Variants in IQGAP2 observed in about 807,000 individuals in gnomAD.
IQGAP2 encodes ras GTPase-activating-like protein IQGAP2.
In IQGAP2, 173 loss-of-function variants were observed where a neutral mutation model predicts 201.3. The ratio of observed to expected loss-of-function variants is 0.86; its 90% CI spans 0.76 to 0.98. The LOEUF (loss-of-function observed/expected upper bound fraction) is 0.98, where lower values mean the gene tolerates loss of function less well. IQGAP2 is among the 50% of genes least tolerant of loss of function. The pLI is 0.00. For missense variants in IQGAP2, 1,687 were observed against 1,864.8 expected (o/e 0.90, Z 1.76); for synonymous variants, 675 against 673.9 (o/e 1.00, Z -0.03).
intron 1 of IQGAP2, among the ~76,000 whole-genome samples, chr5:76,411,196 T>C (rs538876968): frequency 6.6e-6 from 1 of 152,304 alleles, no homozygotes; most frequent in African/African-American, 2.4e-5. Context: ...AAGAGGCATT[T>C]CTGATATATA....
chr5:76,524,777 C>G (rs1164714245), intron 2 of IQGAP2, among the ~76,000 whole-genome samples: 1 of 152,152 alleles, frequency 6.6e-6, no homozygotes, highest in East Asian at 1.9e-4. Flanking sequence ...AAAGAAAGTT[C>G]ACATCAATAG....
At chr5:76,542,545 C>T (rs185790440) in intron 2 of IQGAP2, among the ~76,000 whole-genome samples, 5 of 152,308 alleles carry the variant, frequency 3.3e-5, no homozygotes, top group East Asian at 1.9e-4. Context: ...TATAAATAAT[C>T]GAGGTGATTA....
chr5:76,461,568 A>G lies in IQGAP2; in HGVS notation c.47-2A>G, dbSNP rs1163647075. ...TCACATGTTGTTATCCTCTATTTCT[A>G]GCTATTGTGGACGATGAAAGGCTCT... On this transcript the variant is annotated splice_acceptor_variant, in intron 1 of 35. Coordinates refer to ENST00000274364, the MANE Select transcript of IQGAP2 (RefSeq NM_006633.5). LOFTEE classifies it high-confidence loss of function. 1 of 1,606,810 alleles carries G rather than the reference A, an allele frequency of 6.2e-7. No individual in the cohort carries two copies. Among genetic ancestry groups the G allele is most frequent in the South Asian group, 1.1e-5 (1 of 90,886 alleles).
At chr5:76,614,235 C>T (rs6453235) in intron 13 of IQGAP2, among the ~76,000 whole-genome samples, 117,973 of 151,966 alleles carry the variant, frequency 0.78, 46,529 homozygotes, top group South Asian at 0.9. Flanking sequence ...GAAAGAAGCC[C>T]CTGAGTGCCC....
intron 30 of IQGAP2, among the ~76,000 whole-genome samples, chr5:76,692,335 A>G (rs1746336618): frequency 6.6e-6 from 1 of 152,204 alleles, no homozygotes; most frequent in African/African-American, 2.4e-5. Context: ...TATCCTTAGT[A>G]GGGATGGGGT....
At chr5:76,585,180 A>G (rs1167104798) in intron 5 of IQGAP2, among the ~76,000 whole-genome samples, 1 of 152,212 alleles carries the variant, frequency 6.6e-6, no homozygotes, top group Admixed American at 6.5e-5. Flanking sequence ...ATAGATACCA[A>G]TTAGTTTAGG....
chr5:76,516,446 G>A (rs1259766371), intron 2 of IQGAP2, among the ~76,000 whole-genome samples: 1 of 152,000 alleles, frequency 6.6e-6, no homozygotes, highest in Non-Finnish European at 1.5e-5. Context: ...GTCAACTTGT[G>A]ATGTTTGCCT....
At chr5:76,599,455 C>G (rs1747275826) in intron 10 of IQGAP2, among the ~76,000 whole-genome samples, 1 of 152,118 alleles carries the variant, frequency 6.6e-6, no homozygotes, top group African/African-American at 2.4e-5. Flanking sequence ...CTCTCCTTAT[C>G]CTTTTTGCTG....
intron 2 of IQGAP2, among the ~76,000 whole-genome samples, chr5:76,484,333 G>T (rs983578735): frequency 6.6e-6 from 1 of 152,186 alleles, no homozygotes; most frequent in Non-Finnish European, 1.5e-5. Flanking sequence ...TTGCAGATGT[G>T]GGGGCGCAGG....
chr5:76,651,729 A>G (rs1481066743), intron 17 of IQGAP2, among the ~76,000 whole-genome samples: 1 of 152,046 alleles, frequency 6.6e-6, no homozygotes, highest in African/African-American at 2.4e-5. Context: ...TTTCCAAATT[A>G]AAAGGTTTTT....
At chr5:76,616,693 TA>T (rs977626684) in intron 13 of IQGAP2, 1 of 151,626 alleles carries the variant, frequency 6.6e-6, no homozygotes, top group Non-Finnish European at 1.5e-5. Context: ...CTGCAAAAAA[TA>T]AAAAATAAAA....
At chr5:76,508,706 T>A (rs1248595474) in intron 2 of IQGAP2, among the ~76,000 whole-genome samples, 1 of 151,858 alleles carries the variant, frequency 6.6e-6, no homozygotes, top group African/African-American at 2.4e-5. Context: ...TTTTGTTTTT[T>A]TTTTTTTAAA....
At chr5:76,476,080 A>G (rs1445142207) in intron 2 of IQGAP2, among the ~76,000 whole-genome samples, 2 of 152,204 alleles carry the variant, frequency 1.3e-5, no homozygotes, top group African/African-American at 4.8e-5. Flanking sequence ...TAGAAAGGCT[A>G]TAGTCCAAGA....
chr5:76,431,907 A>G (rs1392071568), intron 1 of IQGAP2, among the ~76,000 whole-genome samples: 2 of 151,684 alleles, frequency 1.3e-5, no homozygotes, highest in Non-Finnish European at 2.9e-5. Flanking sequence ...CAGTTCCTGG[A>G]ATGTGTGGTG....
chr5:76,419,325 A>G (rs1751587821), intron 1 of IQGAP2, among the ~76,000 whole-genome samples: 1 of 141,074 alleles, frequency 7.1e-6, no homozygotes, highest in Non-Finnish European at 1.6e-5. Context: ...ACAGGGTCTC[A>G]CTAGGGTTTT....
intron 2 of IQGAP2, among the ~76,000 whole-genome samples, chr5:76,549,126 A>G (rs1743276998): frequency 6.6e-6 from 1 of 152,144 alleles, no homozygotes; most frequent in Non-Finnish European, 1.5e-5. Context: ...AAAAACTACA[A>G]TAGCTACCAT....
chr5:76,465,557 G>A lies in IQGAP2; in HGVS notation c.146+3888G>A, dbSNP rs571901194. 3.9e-5 allele frequency among the ~76,000 whole-genome samples: 6 copies of A among 152,254 alleles called. No individual in the cohort carries two copies. The South Asian group carries it at 1.2e-3, about 32-fold the overall frequency. On this transcript the variant is annotated intron_variant, in intron 2 of 35. Coordinates refer to ENST00000274364, the MANE Select transcript of IQGAP2 (RefSeq NM_006633.5). ...GTTAGGCAAGAAAAATAAGCAAAAGGCATCCAGGTTAGAAAGGAAGACGTG... is the reference window on the plus strand; with the variant it reads ...GTTAGGCAAGAAAAATAAGCAAAAGACATCCAGGTTAGAAAGGAAGACGTG...
chr5:76,421,873 C>T (rs765276027), intron 1 of IQGAP2, among the ~76,000 whole-genome samples: 2 of 152,174 alleles, frequency 1.3e-5, no homozygotes, highest in Non-Finnish European at 1.5e-5. Flanking sequence ...GTTAACCTGG[C>T]TCATCCAAAT....
In IQGAP2 at chr5:76,508,713, T is replaced by A. The variant is rs7713381; in HGVS notation, c.146+47044T>A. On this transcript the variant is annotated intron_variant, in intron 2 of 35. Coordinates refer to ENST00000274364, the MANE Select transcript of IQGAP2 (RefSeq NM_006633.5). ...TTGTTTTGTTTTGTTTTTTTTTTTT[T>A]AAAGATCACGTGAGAGGCATACAAA... 3.0e-3 allele frequency among the ~76,000 whole-genome samples: 449 copies of A among 151,448 alleles called. 1 individual carries two copies. Among genetic ancestry groups the A allele is most frequent in the Middle Eastern group, 0.014 (4 of 294 alleles).
Sources: gnomAD v4.1 joint callset for allele counts (sites outside exome capture counted in the v4.1 genomes callset) on GRCh38, gnomAD v4.1.1 for gene constraint, MANE v1.5 for transcripts, NCBI Gene and HGNC (gene_info 2026-07-23, HGNC 2026-07-21) for gene names.